The following FHIT variants were observed in gnomAD, a reference collection of about 807,000 sequenced individuals.
FHIT encodes bis(5'-adenosyl)-triphosphatase.
A neutral mutation model predicts 17.9 loss-of-function variants in FHIT; 19 were observed. The observed-to-expected ratio is 1.06, with a 90% CI of 0.74 to 1.56. The LOEUF is 1.56. FHIT is among the 40% of genes most tolerant of loss of function. FHIT has a pLI of 0.00. For synonymous variants in FHIT, 81 were observed against 69.7 expected, an observed-to-expected ratio of 1.16 and a Z score of -0.81; for missense variants, 248 against 189.2, an observed-to-expected ratio of 1.31 and a Z score of -1.82.
At chr3:60,922,671 G>C (rs1553768702) in intron 3 of FHIT, among the ~76,000 whole-genome samples, 1 of 152,150 alleles carries the variant, frequency 6.6e-6, no homozygotes, top group Non-Finnish European at 1.5e-5. Context: ...TTATCAACAT[G>C]TTAAGCTATC....
chr3:60,174,295 G>T (rs1576252101), intron 5 of FHIT, among the ~76,000 whole-genome samples: 1 of 151,950 alleles, frequency 6.6e-6, no homozygotes, highest in South Asian at 2.1e-4. Flanking sequence ...GTGTCCTTGG[G>T]TAAGGGACCC....
chr3:60,669,609 G>T (rs1354882585), intron 4 of FHIT, among the ~76,000 whole-genome samples: 11 of 152,058 alleles, frequency 7.2e-5, no homozygotes, highest in Admixed American at 7.2e-4. Context: ...ACAATCATTT[G>T]TCCAATGAAA....
intron 1 of FHIT, among the ~76,000 whole-genome samples, chr3:61,204,071 T>C (rs1372881131): frequency 6.6e-6 from 1 of 152,198 alleles, no homozygotes; most frequent in Non-Finnish European, 1.5e-5. Context: ...AAATATAATG[T>C]AAAACAAAAG....
chr3:60,838,271 G>A (rs1702602757), intron 3 of FHIT, among the ~76,000 whole-genome samples: 1 of 152,052 alleles, frequency 6.6e-6, no homozygotes, highest in African/African-American at 2.4e-5. Flanking sequence ...TCAGGAGTTC[G>A]CGACGAACCT....
intron 4 of FHIT, chr3:60,732,540 C>T: frequency 1.5e-6 from 1 of 653,980 alleles, no homozygotes; most frequent in Non-Finnish European, 3.0e-6. Flanking sequence ...AAGTTTTCTG[C>T]TGTCTTTGGA....
chr3:60,528,419 A>G (rs1559514801), intron 5 of FHIT, among the ~76,000 whole-genome samples: 1 of 149,702 alleles, frequency 6.7e-6, no homozygotes, highest in Non-Finnish European at 1.5e-5. Context: ...ACAAAAGGAA[A>G]AGAAAGGAAG....
At chr3:60,889,251 C>G (rs1446085256) in intron 3 of FHIT, among the ~76,000 whole-genome samples, 1 of 152,132 alleles carries the variant, frequency 6.6e-6, no homozygotes, top group Admixed American at 6.5e-5. Context: ...TAATCCTAGC[C>G]AACAGGGGAA....
At chr3:59,954,177 A>T (rs867847194) in intron 7 of FHIT, among the ~76,000 whole-genome samples, 2 of 150,742 alleles carry the variant, frequency 1.3e-5, no homozygotes, top group African/African-American at 4.9e-5. Flanking sequence ...AGCCACAATA[A>T]TCATGTAAGG....
chr3:60,021,238 T>G (rs1044597996), intron 5 of FHIT, among the ~76,000 whole-genome samples: 7 of 152,138 alleles, frequency 4.6e-5, no homozygotes, highest in Non-Finnish European at 8.8e-5. Flanking sequence ...GAGACCTTGT[T>G]CATCTGGAGG....
intron 4 of FHIT, among the ~76,000 whole-genome samples, chr3:60,554,514 T>G (rs1164881363): frequency 6.6e-6 from 1 of 152,128 alleles, no homozygotes; most frequent in Non-Finnish European, 1.5e-5. Context: ...GGACATCAAC[T>G]CAGAAATAAT....
chr3:60,330,171 C>T (rs190808651), intron 5 of FHIT, among the ~76,000 whole-genome samples: 15 of 152,218 alleles, frequency 9.9e-5, no homozygotes, highest in Admixed American at 9.2e-4. Context: ...ACTGGGCTCC[C>T]GGGATTCTAA....
intron 3 of FHIT, among the ~76,000 whole-genome samples, chr3:60,972,596 T>C (rs1710071745): frequency 6.6e-6 from 1 of 152,012 alleles, no homozygotes; most frequent in African/African-American, 2.4e-5. Flanking sequence ...AATCCATGGC[T>C]TGATGTTATT....
chr3:60,661,404 T>G (rs1242095536), intron 4 of FHIT, among the ~76,000 whole-genome samples: 1 of 152,192 alleles, frequency 6.6e-6, no homozygotes, highest in African/African-American at 2.4e-5. Flanking sequence ...TACGGCTGAA[T>G]AGTATTCCAT....
At chr3:60,982,065 T>C (rs970887727) in intron 3 of FHIT, among the ~76,000 whole-genome samples, 1 of 152,224 alleles carries the variant, frequency 6.6e-6, no homozygotes, top group Non-Finnish European at 1.5e-5. Flanking sequence ...CTGCTTCCAC[T>C]CTTGCCCTTC....
chr3:60,988,333 G>T (rs1262035797), intron 3 of FHIT, among the ~76,000 whole-genome samples: 2 of 152,130 alleles, frequency 1.3e-5, no homozygotes, highest in Admixed American at 1.3e-4. Flanking sequence ...GTGTGATAGG[G>T]TACCTACCAT....
chr3:60,944,162 C>T (rs1708542609), intron 3 of FHIT, among the ~76,000 whole-genome samples: 1 of 152,192 alleles, frequency 6.6e-6, no homozygotes, highest in South Asian at 2.1e-4. Flanking sequence ...GAACTTTACC[C>T]TACAGCTCAG....
intron 7 of FHIT, among the ~76,000 whole-genome samples, chr3:59,982,519 T>G (rs888031136): frequency 6.6e-6 from 1 of 152,182 alleles, no homozygotes; most frequent in Non-Finnish European, 1.5e-5. Flanking sequence ...TGATCACTTT[T>G]TGGCCTTCCA....
In FHIT at chr3:60,190,417, T is replaced by C. The variant is rs138305496; in HGVS notation, c.104-176265A>G. On this transcript the variant is annotated intron_variant, in intron 5 of 9. Coordinates refer to ENST00000492590, the MANE Select transcript of FHIT (RefSeq NM_002012.4). ...GAAAAGAACAAAGGTGATGTACACA[T>C]ACCCCTAAAAGCTGGCCAAAAGATA... 1.7e-3 allele frequency among the ~76,000 whole-genome samples: 250 copies of C among 151,368 alleles called. 1 individual carries two copies. Among genetic ancestry groups the C allele is most frequent in the African/African-American group, 5.7e-3 (235 of 41,304 alleles).
intron 4 of FHIT, among the ~76,000 whole-genome samples, chr3:60,600,787 T>A (rs2038418753): frequency 6.6e-6 from 1 of 152,200 alleles, no homozygotes; most frequent in Admixed American, 6.5e-5. Context: ...AGCTCCTACA[T>A]GTCCTTTTGA....
Sources: gnomAD v4.1 joint callset for allele counts (sites outside exome capture counted in the v4.1 genomes callset) on GRCh38, gnomAD v4.1.1 for gene constraint, MANE v1.5 for transcripts, NCBI Gene and HGNC (gene_info 2026-07-23, HGNC 2026-07-21) for gene names.